CPNE8: variants seen among roughly 807,000 people sequenced by gnomAD.
CPNE8 encodes copine-8.
In CPNE8, 45 loss-of-function variants were observed where a neutral mutation model predicts 81.5. That is an observed-to-expected ratio of 0.55 (90% confidence interval 0.44 to 0.71). CPNE8 has a LOEUF of 0.71. Ranked by LOEUF, CPNE8 falls within the 30% of genes least tolerant of loss-of-function variation. CPNE8 has a pLI of 0.00. For missense variants in CPNE8, 594 were observed against 672.1 expected (o/e 0.88, Z 1.28); for synonymous variants, 252 against 226.3 (o/e 1.11, Z -1.02).
At chr12:38,816,829 C>T (rs915563828) in intron 6 of CPNE8, among the ~76,000 whole-genome samples, 1 of 152,186 alleles carries the variant, frequency 6.6e-6, no homozygotes, top group South Asian at 2.1e-4. Flanking sequence ...GCCAGTTGAT[C>T]TATCTCCACA....
At chr12:38,758,379 T>C (rs1941506884) in intron 10 of CPNE8, among the ~76,000 whole-genome samples, 1 of 152,196 alleles carries the variant, frequency 6.6e-6, no homozygotes, top group African/African-American at 2.4e-5. Flanking sequence ...AAAAAAATTA[T>C]GTTAGATTGT....
chr12:38,895,984 A>T (rs549618642), intron 1 of CPNE8, among the ~76,000 whole-genome samples: 2 of 152,238 alleles, frequency 1.3e-5, no homozygotes, highest in South Asian at 4.1e-4. Context: ...AAAACAGGAC[A>T]TAACATCACC....
At chr12:38,753,544 A>T (rs1166636787) in intron 10 of CPNE8, among the ~76,000 whole-genome samples, 1 of 151,860 alleles carries the variant, frequency 6.6e-6, no homozygotes, top group Non-Finnish European at 1.5e-5. Context: ...ACATAGCAAG[A>T]AGCTACTACA....
chr12:38,893,687 T>C (rs1272510750), intron 1 of CPNE8, among the ~76,000 whole-genome samples: 2 of 152,218 alleles, frequency 1.3e-5, no homozygotes, highest in Admixed American at 1.3e-4. Flanking sequence ...CCTCTCTTGG[T>C]GTCTGGGTCG....
At chr12:38,749,587 C>T (rs138112547) in intron 10 of CPNE8, among the ~76,000 whole-genome samples, 55 of 152,174 alleles carry the variant, frequency 3.6e-4, no homozygotes, top group Non-Finnish European at 6.3e-4. Flanking sequence ...CTGAGGATGA[C>T]GTACTTGTTG....
In CPNE8 at chr12:38,875,744, G is replaced by A. The variant is rs184729714; in HGVS notation, c.99-1233C>T. Among the ~76,000 whole-genome samples, 23 of 152,254 alleles carry A rather than the reference G, an allele frequency of 1.5e-4. No homozygotes were observed. In the South Asian group the frequency reaches 4.8e-3, roughly 32 times the overall value. ...CATGTCTTGAAATATTCCTAGAAAG[G>A]AGAAACATCAGACATACTCATATTT... On this transcript the variant is annotated intron_variant, in intron 1 of 19. Transcript: ENST00000331366.
intron 6 of CPNE8, among the ~76,000 whole-genome samples, chr12:38,793,417 C>A (rs1192084734): frequency 1.3e-5 from 2 of 151,558 alleles, no homozygotes; most frequent in African/African-American, 2.4e-5. Context: ...AAAATTAGTT[C>A]TGTTTTTATA....
chr12:38,730,079 G>T (rs1227772770), intron 11 of CPNE8, among the ~76,000 whole-genome samples: 3 of 151,832 alleles, frequency 2.0e-5, no homozygotes, highest in Non-Finnish European at 4.4e-5. Context: ...TTATACACAA[G>T]AATTAAAAAT....
At chr12:38,849,093 C>T (rs996828428) in intron 3 of CPNE8, among the ~76,000 whole-genome samples, 6 of 152,128 alleles carry the variant, frequency 3.9e-5, no homozygotes, top group Non-Finnish European at 5.9e-5. Flanking sequence ...GTCCCATATA[C>T]AATGCCGTTT....
chr12:38,876,101 G>A (rs913954506), intron 1 of CPNE8, among the ~76,000 whole-genome samples: 2 of 152,054 alleles, frequency 1.3e-5, no homozygotes, highest in Admixed American at 6.5e-5. Flanking sequence ...TGCTATGTAC[G>A]TATTTAACAG....
At chr12:38,760,451 A>ATATATATATATATATGTG (rs749406707) in intron 10 of CPNE8, among the ~76,000 whole-genome samples, 51 of 120,178 alleles carry the variant, frequency 4.2e-4, no homozygotes, top group East Asian at 1.8e-3. Flanking sequence ...ATATATATAT[A>ATATATATATATATATGTG]TGTGTGTGTA....
At chr12:38,906,067 G>A, upstream of CPNE8, 1 of 986,624 alleles carries the variant, frequency 1.0e-6, no homozygotes, top group Non-Finnish European at 1.2e-6. Context: ...TGAGTTGAAA[G>A]CTGGAGGTGG....
chr12:38,840,177 C>A (rs553483107), intron 4 of CPNE8, among the ~76,000 whole-genome samples: 33 of 152,186 alleles, frequency 2.2e-4, no homozygotes, highest in South Asian at 2.1e-3. Context: ...ACCTAACAAG[C>A]CTTAATATTT....
intron 6 of CPNE8, among the ~76,000 whole-genome samples, chr12:38,818,318 A>T (rs976856816): frequency 1.3e-5 from 2 of 151,900 alleles, no homozygotes; most frequent in Admixed American, 6.6e-5. Context: ...CTGGTGTGTG[A>T]TGTTCCCCTC....
At chr12:38,835,206 G>C (rs1235535556) in intron 5 of CPNE8, among the ~76,000 whole-genome samples, 2 of 152,018 alleles carry the variant, frequency 1.3e-5, no homozygotes, top group Non-Finnish European at 2.9e-5. Flanking sequence ...CTTGACTCAA[G>C]GCCACTGGAC....
At chr12:38,713,176 A>G (rs1261424873) in intron 13 of CPNE8, among the ~76,000 whole-genome samples, 1 of 152,344 alleles carries the variant, frequency 6.6e-6, no homozygotes, top group Non-Finnish European at 1.5e-5. Flanking sequence ...TGCCTCAATT[A>G]TCAGCAACCA....
At chr12:38,901,872 C>T (rs1944468613) in intron 1 of CPNE8, among the ~76,000 whole-genome samples, 1 of 152,144 alleles carries the variant, frequency 6.6e-6, no homozygotes, top group African/African-American at 2.4e-5. Flanking sequence ...TGAGCCTCAT[C>T]TTTGAATTTA....
chr12:38,664,920 A>T (rs914991417), intron 19 of CPNE8, among the ~76,000 whole-genome samples: 1 of 152,144 alleles, frequency 6.6e-6, no homozygotes, highest in Non-Finnish European at 1.5e-5. Context: ...ATCAAACAGG[A>T]GTATCCTTCA....
chr12:38,905,631 T>A, upstream of CPNE8: 1 of 1,508,088 alleles, frequency 6.6e-7, no homozygotes, highest in Middle Eastern at 2.3e-4. Context: ...GGGTTGAGGG[T>A]GGAGGCAGAA....
Sources: gnomAD v4.1 joint callset for allele counts (sites outside exome capture counted in the v4.1 genomes callset) on GRCh38, gnomAD v4.1.1 for gene constraint, MANE v1.5 for transcripts, NCBI Gene and HGNC (gene_info 2026-07-23, HGNC 2026-07-21) for gene names.